DLGAP2: variants seen among roughly 807,000 people sequenced by gnomAD.
The protein encoded by DLGAP2 is disks large-associated protein 2.
In DLGAP2, 26 loss-of-function variants were observed where a neutral mutation model predicts 100.3. That is an observed-to-expected ratio of 0.26 (90% CI 0.19 to 0.36). The LOEUF is 0.36. Among genes scored for constraint, DLGAP2 ranks in the 10% least tolerant of loss-of-function variants. The pLI, the probability that DLGAP2 is intolerant of heterozygous loss-of-function variation, is 1.00. For synonymous variants in DLGAP2, 886 were observed against 630.1 expected, an observed-to-expected ratio of 1.41 and a Z score of -6.08; for missense variants, 1,858 against 1,453.2, an observed-to-expected ratio of 1.28 and a Z score of -4.53.
intron 3 of DLGAP2, among the ~76,000 whole-genome samples, chr8:1,416,811 C>T (rs1050512298): frequency 6.6e-6 from 1 of 152,184 alleles, no homozygotes; most frequent in South Asian, 2.1e-4. Context: ...CCGTGCCGGC[C>T]TCCTTTTCTG....
chr8:878,580 T>C (rs1408481651), intron 1 of DLGAP2, among the ~76,000 whole-genome samples: 1 of 152,146 alleles, frequency 6.6e-6, no homozygotes, highest in Non-Finnish European at 1.5e-5. Flanking sequence ...TTTGGTATGG[T>C]TGGTCCTCAC....
At chr8:1,678,156 T>C (rs1798852638) in intron 11 of DLGAP2, 58 bp from the exon 12 acceptor site, 6 of 1,543,644 alleles carry the variant, frequency 3.9e-6, no homozygotes, top group South Asian at 3.7e-5. Flanking sequence ...TGTAGGACTT[T>C]GTTGCATGAA....
chr8:1,456,677 G>A (rs1033249720), intron 3 of DLGAP2, among the ~76,000 whole-genome samples: 16 of 151,668 alleles, frequency 1.1e-4, no homozygotes, highest in African/African-American at 3.6e-4. Flanking sequence ...ACCGATTGTT[G>A]AAGAGTTGTC....
intron 2 of DLGAP2, among the ~76,000 whole-genome samples, chr8:1,197,002 C>T (rs114588998): frequency 9.9e-5 from 15 of 152,064 alleles, no homozygotes; most frequent in Non-Finnish European, 1.6e-4. Flanking sequence ...CGTTTGAAGG[C>T]CTGAAAATCG....
chr8:1,033,526 G>C (rs1390273324), intron 2 of DLGAP2, among the ~76,000 whole-genome samples: 1 of 152,108 alleles, frequency 6.6e-6, no homozygotes, highest in African/African-American at 2.4e-5. Flanking sequence ...AAACTAGCTG[G>C]GCATGGTGGT....
intron 1 of DLGAP2, among the ~76,000 whole-genome samples, chr8:844,577 T>C (rs971264557): frequency 6.6e-6 from 1 of 152,230 alleles, no homozygotes; most frequent in Admixed American, 6.5e-5. Context: ...ACGGTCTCTC[T>C]TGACCCCCTT....
chr8:1,373,243 C>CGCCACGCGTGTG (rs577613871), intron 3 of DLGAP2, among the ~76,000 whole-genome samples: 2,703 of 152,154 alleles, frequency 0.018, 89 homozygotes, highest in African/African-American at 0.06. Flanking sequence ...AAGCCACGCC[C>CGCCACGCGTGTG]CTCGGGGGGA....
chr8:1,389,469 G>C (rs767533844), intron 3 of DLGAP2, among the ~76,000 whole-genome samples: 1 of 152,164 alleles, frequency 6.6e-6, no homozygotes, highest in Non-Finnish European at 1.5e-5. Context: ...AGAGCTGGAA[G>C]AAGTGTCGAT....
chr8:1,549,044 G>A lies in DLGAP2; in HGVS notation c.591G>A (p.Glu197=), dbSNP rs771868677. Residue 197 remains glutamate (E), a synonymous_variant, in exon 5 of 15, where the codon GAG becomes GAA. Transcript: ENST00000637795. ...CGGCCAACCTGCTGGACCAGTTCGA[G>A]AAGCAGCTGCCGCTGCACCGGGACG... The part of the protein sequence containing the change: ...RIPANLLDQF[E]KQLPLHRDGF... The A allele has an allele frequency of 1.3e-5, 20 of 1,593,084 alleles. No homozygotes were observed. Among genetic ancestry groups the A allele is most frequent in the African/African-American group, 1.3e-5 (1 of 74,760 alleles).
At chr8:1,033,241 G>A (rs755478697) in intron 2 of DLGAP2, among the ~76,000 whole-genome samples, 54 of 152,172 alleles carry the variant, frequency 3.5e-4, no homozygotes, top group Admixed American at 1.3e-3. Context: ...TGCTGGAACA[G>A]AAATGACAAA....
intron 3 of DLGAP2, among the ~76,000 whole-genome samples, chr8:1,279,972 A>C (rs950736103): frequency 6.6e-6 from 1 of 152,200 alleles, no homozygotes; most frequent in Admixed American, 6.5e-5. Flanking sequence ...TGTTGTGTCT[A>C]CTGTACCAAG....
intron 3 of DLGAP2, among the ~76,000 whole-genome samples, chr8:1,325,062 C>T (rs1340516817): frequency 6.6e-6 from 1 of 152,212 alleles, no homozygotes; most frequent in Non-Finnish European, 1.5e-5. Context: ...CCGATGGATG[C>T]TCTGCCTGGC....
chr8:1,092,634 A>G lies in DLGAP2; in HGVS notation c.74-166217A>G, dbSNP rs190436155. ...GGACAGAGCCTTCAAGGCTGCAGAC[A>G]TTGATTGGATCTTGTAATTACAGTC... On this transcript the variant is annotated intron_variant, in intron 2 of 14. Coordinates refer to ENST00000637795, the MANE Select transcript of DLGAP2 (RefSeq NM_001346810.2). 2.1e-4 allele frequency among the ~76,000 whole-genome samples: 32 copies of G among 152,320 alleles called. No individual in the cohort carries two copies. In the East Asian group the frequency reaches 4.6e-3, roughly 22 times the overall value.
chr8:1,678,018 A>T (rs1350832598), intron 11 of DLGAP2, among the ~76,000 whole-genome samples, 196 bp from the exon 12 acceptor site: 1 of 152,238 alleles, frequency 6.6e-6, no homozygotes, highest in Non-Finnish European at 1.5e-5. Context: ...GGCAGATGTT[A>T]AAGTATAATG....
chr8:1,210,289 A>G (rs1252302461), intron 2 of DLGAP2, among the ~76,000 whole-genome samples: 1 of 152,178 alleles, frequency 6.6e-6, no homozygotes, highest in African/African-American at 2.4e-5. Context: ...GCAGGGATTC[A>G]GCTGATGACA....
At chr8:743,293 A>G (rs533006479) in intron 1 of DLGAP2, among the ~76,000 whole-genome samples, 5 of 152,164 alleles carry the variant, frequency 3.3e-5, no homozygotes, top group African/African-American at 7.2e-5. Context: ...ACCCAAAACT[A>G]CAAAGCCATG....
rs1799731955 is a variant in DLGAP2 at position 1,707,219 on chromosome 8, T to C, written c.*5813T>C. The C allele has an allele frequency of 6.6e-6, 1 of 152,592 alleles. No individual in the cohort carries two copies. The highest frequency in any genetic ancestry group is 2.4e-5 in the African/African-American group (1 of 41,446). The allele number at this position is 152,592 out of a possible 1,614,324, so 9.5% of individuals were successfully genotyped here. ...GGCATCCAAGCTTTCACCTACTCAA[T>C]GGAGGAGAGGTGATAATGAATGAAA... On this transcript the variant is annotated 3_prime_UTR_variant, in exon 15 of 15. Coordinates refer to ENST00000637795, the MANE Select transcript of DLGAP2 (RefSeq NM_001346810.2).
intron 8 of DLGAP2, among the ~76,000 whole-genome samples, chr8:1,635,409 T>G (rs993948330): frequency 6.6e-6 from 1 of 152,252 alleles, no homozygotes; most frequent in African/African-American, 2.4e-5. Context: ...TCTACTTAAA[T>G]ACTTCTGACT....
intron 6 of DLGAP2, among the ~76,000 whole-genome samples, chr8:1,612,900 T>C (rs113469420): frequency 0.2 from 24,261 of 119,462 alleles, 2,992 homozygotes; most frequent in East Asian, 0.43. Flanking sequence ...CAACAGGTGC[T>C]GGAGAGGATG....
Sources: gnomAD v4.1 joint callset for allele counts (sites outside exome capture counted in the v4.1 genomes callset) on GRCh38, gnomAD v4.1.1 for gene constraint, MANE v1.5 for transcripts, NCBI Gene and HGNC (gene_info 2026-07-23, HGNC 2026-07-21) for gene names.